SPARCL1: variants seen among roughly 807,000 people sequenced by gnomAD.
The protein encoded by SPARCL1 is SPARC like 1.
A neutral mutation model predicts 67.1 loss-of-function variants in SPARCL1; 52 were observed. The observed-to-expected ratio is 0.78, with a 90% CI of 0.62 to 0.98. The LOEUF is 0.98. Among genes scored for constraint, SPARCL1 ranks in the 50% least tolerant of loss-of-function variants. The pLI, the probability that SPARCL1 is intolerant of heterozygous loss-of-function variation, is 0.00. For synonymous variants in SPARCL1, 226 were observed against 267.8 expected (o/e 0.84, Z 1.52); for missense variants, 717 against 782.4 (o/e 0.92, Z 1.00).
At position 87,479,511 on chromosome 4, in the gene SPARCL1, G is replaced by A. The variant is rs756605700; in HGVS notation, c.1885C>T (p.Arg629Cys). The A allele has an allele frequency of 5.0e-6, 8 of 1,613,928 alleles. No individual in the cohort carries two copies. The highest frequency in any genetic ancestry group is 4.4e-5 in the South Asian group (4 of 91,070). ...SLVPMEHCIT[R>C]FFEECDPNKD... ...TTGGGGTCACACTCCTCAAAGAAAC[G>A]GGTTATGCAGTGTTCCATGGGCACC... The change falls in exon 10 of 11, where the codon CGT (arginine) becomes TGT (cysteine). Residue 629 changes from arginine (R) to cysteine (C), a missense_variant. By Grantham distance (180) the Arg-to-Cys change is radical. Transcript: ENST00000282470.
At chr4:87,482,351 G>GC (rs1723856567) in intron 8 of SPARCL1, 73 bp downstream of exon 8, 14 of 1,524,288 alleles carry the variant, frequency 9.2e-6, no homozygotes, top group Admixed American at 3.5e-5. Context: ...GAGGTAGGTA[G>GC]CCCCCCCACC....
chr4:87,485,390 C>T (rs1036646331), intron 7 of SPARCL1, among the ~76,000 whole-genome samples: 5 of 152,120 alleles, frequency 3.3e-5, no homozygotes. Flanking sequence ...GTATGTTGAA[C>T]CATCCTTGCA....
At chr4:87,516,193 G>A (rs1002356214) in intron 1 of SPARCL1, among the ~76,000 whole-genome samples, 3 of 152,130 alleles carry the variant, frequency 2.0e-5, no homozygotes, top group Admixed American at 6.5e-5. Context: ...TTGCAAATGC[G>A]CAGGACACGT....
intron 1 of SPARCL1, among the ~76,000 whole-genome samples, chr4:87,520,266 AGTT>A (rs767269901): frequency 1.3e-5 from 2 of 149,566 alleles, no homozygotes; most frequent in Non-Finnish European, 3.0e-5. Flanking sequence ...AAAAAAAAAA[AGTT>A]GTTGGGAACA....
At chr4:87,474,375 G>T (rs1723475357) in intron 10 of SPARCL1, among the ~76,000 whole-genome samples, 1 of 143,250 alleles carries the variant, frequency 7.0e-6, no homozygotes, top group African/African-American at 2.7e-5. Context: ...CTAGCCCAGA[G>T]AATGGGAAAG....
intron 1 of SPARCL1, among the ~76,000 whole-genome samples, chr4:87,514,051 G>T (rs1314307173): frequency 6.6e-6 from 1 of 152,072 alleles, no homozygotes; most frequent in Non-Finnish European, 1.5e-5. Flanking sequence ...AAAACTAGCT[G>T]GGCGTGGTGG....
At chr4:87,486,188 C>T (rs1332164969) in intron 7 of SPARCL1, among the ~76,000 whole-genome samples, 1 of 152,094 alleles carries the variant, frequency 6.6e-6, no homozygotes, top group Non-Finnish European at 1.5e-5. Flanking sequence ...TTCCTGCTTT[C>T]TCTTATGGGC....
At chr4:87,494,841 T>G in intron 3 of SPARCL1, 140 bp downstream of exon 3, 1 of 789,150 alleles carries the variant, frequency 1.3e-6, no homozygotes, top group Non-Finnish European at 2.0e-6. Context: ...CTTCTAGTGA[T>G]TGGAGGCAGT....
intron 1 of SPARCL1, among the ~76,000 whole-genome samples, chr4:87,514,237 G>GTTCT (rs1725493127): frequency 6.6e-6 from 1 of 152,160 alleles, no homozygotes; most frequent in Non-Finnish European, 1.5e-5. Flanking sequence ...CTATTCTCAG[G>GTTCT]TAAGAGGTAT....
rs535123927 is a variant in SPARCL1, at chr4:87,513,932, G to A, written c.-11-14347C>T. On this transcript the variant is annotated intron_variant, in intron 1 of 10. Coordinates refer to ENST00000282470, the MANE Select transcript of SPARCL1 (RefSeq NM_004684.6). ...ATTAGGGCTGGGCATTGTGGCTCAT[G>A]CCTGTAATCCCACCACTTTGGGAGG... 1.1e-4 allele frequency among the ~76,000 whole-genome samples: 17 copies of A among 152,338 alleles called. No individual in the cohort carries two copies. In the South Asian group the frequency reaches 3.3e-3, roughly 30 times the overall value.
chr4:87,490,903 G>A, intron 5 of SPARCL1, 25 bp from the exon 6 acceptor site: 3 of 1,342,348 alleles, frequency 2.2e-6, no homozygotes, highest in Non-Finnish European at 2.1e-6. Flanking sequence ...TGGGCAGGAA[G>A]CATGGACAAA....
intron 1 of SPARCL1, among the ~76,000 whole-genome samples, chr4:87,501,923 T>C (rs1258704227): frequency 6.6e-6 from 1 of 152,036 alleles, no homozygotes; most frequent in African/African-American, 2.4e-5. Context: ...AGTGTGTCTA[T>C]CATTCTGGGA....
At chr4:87,491,774 C>T (rs182424205) in intron 4 of SPARCL1, 84 bp from the exon 5 acceptor site, 18 of 989,726 alleles carry the variant, frequency 1.8e-5, no homozygotes, top group East Asian at 4.8e-5. Context: ...CATACTTTCA[C>T]GAGTATTTTT....
At chr4:87,485,930 A>G (rs1724037585) in intron 7 of SPARCL1, among the ~76,000 whole-genome samples, 1 of 151,624 alleles carries the variant, frequency 6.6e-6, no homozygotes, top group African/African-American at 2.4e-5. Flanking sequence ...ATCATTTTTT[A>G]TTGTATCTAT....
chr4:87,503,814 A>G (rs1040952450), intron 1 of SPARCL1, among the ~76,000 whole-genome samples: 4 of 151,414 alleles, frequency 2.6e-5, no homozygotes, highest in African/African-American at 9.7e-5. Context: ...AAGTAGCTGG[A>G]ATAACAGACA....
chr4:87,478,448 T>A, intron 10 of SPARCL1, among the ~76,000 whole-genome samples: 1 of 151,798 alleles, frequency 6.6e-6, no homozygotes, highest in South Asian at 2.1e-4. Flanking sequence ...CATTTTTTTT[T>A]TTTTTTTGAG....
intron 1 of SPARCL1, among the ~76,000 whole-genome samples, chr4:87,506,671 G>A (rs999691078): frequency 6.6e-6 from 1 of 152,130 alleles, no homozygotes; most frequent in African/African-American, 2.4e-5. Flanking sequence ...AGACTTGAAC[G>A]GGAACTATAC....
At chr4:87,503,557 C>A (rs1415814021) in intron 1 of SPARCL1, among the ~76,000 whole-genome samples, 1 of 152,048 alleles carries the variant, frequency 6.6e-6, no homozygotes, top group Non-Finnish European at 1.5e-5. Flanking sequence ...AGATGACTTC[C>A]ATTTCATATT....
intron 1 of SPARCL1, among the ~76,000 whole-genome samples, chr4:87,523,086 C>T (rs961752330): frequency 1.3e-5 from 2 of 152,034 alleles, no homozygotes; most frequent in Non-Finnish European, 2.9e-5. Context: ...ATGGCAAAAC[C>T]CTGTCTCTAC....
Sources: gnomAD v4.1 joint callset for allele counts (sites outside exome capture counted in the v4.1 genomes callset) on GRCh38, gnomAD v4.1.1 for gene constraint, MANE v1.5 for transcripts, NCBI Gene and HGNC (gene_info 2026-07-23, HGNC 2026-07-21) for gene names.